The following NCOA6 variants were observed in gnomAD, a reference collection of about 807,000 sequenced individuals.
NCOA6 encodes NRC RAP250.
NCOA6 carries 49 observed loss-of-function variants against 171.4 expected under a neutral mutation model. The ratio of observed to expected loss-of-function variants is 0.29; its 90% CI spans 0.23 to 0.36. The LOEUF is 0.36. Ranked by LOEUF, NCOA6 falls within the 10% of genes least tolerant of loss-of-function variation. NCOA6 has a pLI of 1.00. For synonymous variants in NCOA6, 910 were observed against 927.5 expected (o/e 0.98, Z 0.34); for missense variants, 2,248 against 2,554.5 (o/e 0.88, Z 2.59).
chr20:34,795,814 A>T (rs982527912), intron 1 of NCOA6, among the ~76,000 whole-genome samples: 3 of 152,166 alleles, frequency 2.0e-5, no homozygotes, highest in Non-Finnish European at 4.4e-5. Flanking sequence ...ATTTGTAATT[A>T]GGTAGAGAAT....
intron 2 of NCOA6, among the ~76,000 whole-genome samples, chr20:34,789,588 C>T (rs1187537632): frequency 6.6e-6 from 1 of 152,108 alleles, no homozygotes. Flanking sequence ...GCCTGGGGAA[C>T]ATGGTGAAAC....
At chr20:34,793,559 G>A (rs1160655272) in intron 1 of NCOA6, among the ~76,000 whole-genome samples, 1 of 151,954 alleles carries the variant, frequency 6.6e-6, no homozygotes, top group Non-Finnish European at 1.5e-5. Flanking sequence ...AGAGTTTGAG[G>A]TTACAGTGAG....
intron 1 of NCOA6, among the ~76,000 whole-genome samples, chr20:34,808,609 T>C (rs900594347): frequency 9.2e-5 from 14 of 152,096 alleles, no homozygotes; most frequent in African/African-American, 3.1e-4. Context: ...TGGCTAATTT[T>C]GTATTTTTAG....
chr20:34,756,279 T>G (rs1162663843), intron 7 of NCOA6, among the ~76,000 whole-genome samples: 4 of 152,172 alleles, frequency 2.6e-5, no homozygotes, highest in African/African-American at 9.7e-5. Flanking sequence ...ATTCAAATAT[T>G]AGAGCCTGCA....
At chr20:34,764,692 A>G (rs2076921982) in intron 5 of NCOA6, among the ~76,000 whole-genome samples, 1 of 152,124 alleles carries the variant, frequency 6.6e-6, no homozygotes, top group Admixed American at 6.6e-5. Context: ...CTCAAAAAAA[A>G]AAAAAAGTTA....
rs1990104507 is a variant in NCOA6, at chr20:34,727,494, A to G, written c.6000-87T>C. On this transcript the variant is annotated intron_variant, in intron 13 of 14. Coordinates refer to ENST00000359003, the MANE Select transcript of NCOA6 (RefSeq NM_014071.5). ...GCTCTTCAGATAGTTTCATTCGTAA[A>G]GTAGGAGACTAAGAACTATATAGTT... 3 of 1,393,446 alleles carry G rather than the reference A, an allele frequency of 2.2e-6. No homozygotes were observed. In the South Asian group the frequency reaches 3.6e-5, roughly 17 times the overall value. 86.3% of individuals were successfully genotyped at this position (1,393,446 alleles called of 1,614,324 possible).
rs1892638301 is a variant in NCOA6 at position 34,740,633 on chromosome 20, C to T, written c.5623G>A (p.Asp1875Asn). Residue 1875 changes from aspartate to asparagine, a missense_variant, in exon 11 of 15, where the codon GAC becomes AAC. This residue lies in a region of NCOA6 where 884 missense variants were observed against 941.9 expected (regional missense o/e 0.94). Transcript: ENST00000359003. ...GCTGGGGGCGTTGGGGTTTTACTGTCCAGCTCTGTGGATAACTGCTCTGTT... is the reference window on the plus strand; with the variant it reads ...GCTGGGGGCGTTGGGGTTTTACTGTTCAGCTCTGTGGATAACTGCTCTGTT... ...MGTEQLSTELDSKTPTPPAPT... is the reference protein window; with the variant it reads ...MGTEQLSTELNSKTPTPPAPT... The T allele has an allele frequency of 1.2e-6, 2 of 1,614,150 alleles. No homozygotes were observed. The highest frequency in any genetic ancestry group is 8.5e-7 in the Non-Finnish European group (1 of 1,180,034).
At chr20:34,804,142 G>A (rs1423803075) in intron 1 of NCOA6, among the ~76,000 whole-genome samples, 1 of 152,088 alleles carries the variant, frequency 6.6e-6, no homozygotes, top group Non-Finnish European at 1.5e-5. Context: ...TTGGAGACCA[G>A]TCTGACCAAT....
chr20:34,752,320 A>T (rs760073140), intron 8 of NCOA6, among the ~76,000 whole-genome samples: 9 of 152,184 alleles, frequency 5.9e-5, no homozygotes, highest in Non-Finnish European at 1.3e-4. Context: ...TATAAACTCA[A>T]AGTGGAACTC....
At position 34,758,923 on chromosome 20, in the gene NCOA6, C is replaced by A; in HGVS notation, c.525G>T (p.Arg175Ser). The A allele has an allele frequency of 6.2e-7, 1 of 1,613,560 alleles. No homozygotes were observed. The highest frequency in any genetic ancestry group is 8.5e-7 in the Non-Finnish European group (1 of 1,179,876). Residue 175 changes from arginine (R) to serine (S), a missense_variant, in exon 6 of 15, where the codon AGG (arginine) becomes AGT (serine). This residue lies in a region of NCOA6 where 987 missense variants were observed against 1,104.7 expected (regional missense o/e 0.89). Transcript: ENST00000359003. ...FPMASGPGII[R>S]MNNPATVMIP... ...TCATAACAGTGGCAGGGTTGTTCAT[C>A]CTTATTATTCCTAGAAAAAAGATCC...
At chr20:34,789,992 T>C (rs1446771524) in intron 2 of NCOA6, among the ~76,000 whole-genome samples, 1 of 151,660 alleles carries the variant, frequency 6.6e-6, no homozygotes, top group East Asian at 1.9e-4. Flanking sequence ...CCCAGTACTT[T>C]CGGAGGCCAA....
intron 14 of NCOA6, among the ~76,000 whole-genome samples, chr20:34,725,378 GA>G (rs1330982480): frequency 6.6e-6 from 1 of 152,224 alleles, no homozygotes; most frequent in Non-Finnish European, 1.5e-5. Context: ...ACTGAGCTAA[GA>G]TAAGTAGGAA....
At chr20:34,812,735 G>A (rs979419172) in intron 1 of NCOA6, among the ~76,000 whole-genome samples, 1 of 152,172 alleles carries the variant, frequency 6.6e-6, no homozygotes, top group African/African-American at 2.4e-5. Flanking sequence ...TCTAGAAGAG[G>A]TCAGGCGTGG....
intron 14 of NCOA6, among the ~76,000 whole-genome samples, chr20:34,719,888 C>T (rs1048275819): frequency 6.6e-6 from 1 of 152,190 alleles, no homozygotes. Context: ...AATGTATGTT[C>T]ACTTGCATAT....
chr20:34,789,705 G>A (rs193290723), intron 2 of NCOA6, among the ~76,000 whole-genome samples: 1 of 152,268 alleles, frequency 6.6e-6, no homozygotes, highest in East Asian at 1.9e-4. Flanking sequence ...CCTGAGGGGA[G>A]TGAGGGGAAG....
chr20:34,790,200 C>T (rs944060833), intron 2 of NCOA6, among the ~76,000 whole-genome samples: 2 of 151,648 alleles, frequency 1.3e-5, no homozygotes, highest in Non-Finnish European at 2.9e-5. Context: ...GTGGTAGATA[C>T]ATATAGATAG....
At chr20:34,726,510 G>A (rs987693239) in intron 14 of NCOA6, among the ~76,000 whole-genome samples, 2 of 152,146 alleles carry the variant, frequency 1.3e-5, no homozygotes, top group African/African-American at 4.8e-5. Flanking sequence ...AATCAGCTGG[G>A]CGTGGTGGCT....
chr20:34,766,212 A>C (rs1337403070), intron 5 of NCOA6, among the ~76,000 whole-genome samples: 1 of 152,176 alleles, frequency 6.6e-6, no homozygotes, highest in African/African-American at 2.4e-5. Flanking sequence ...TTATTCCTGA[A>C]ACTTTATACT....
Position 34,808,023 on chromosome 20 carries a change from G to A in NCOA6, c.-163-15460C>T, listed in dbSNP as rs187901167. ...AAATTAGCTGGGTGTGGTGGCAGGCGCCTGTAGTTCCAGCTACTCAGGAGG... is the reference window on the plus strand; with the variant it reads ...AAATTAGCTGGGTGTGGTGGCAGGCACCTGTAGTTCCAGCTACTCAGGAGG... On this transcript the variant is annotated intron_variant, in intron 1 of 14. Transcript: ENST00000359003. 1.4e-4 allele frequency among the ~76,000 whole-genome samples: 21 copies of A among 151,716 alleles called. No individual in the cohort carries two copies. The East Asian group carries it at 2.4e-3, about 17-fold the overall frequency.
Sources: allele counts gnomAD v4.1 joint callset (sites outside exome capture counted in the v4.1 genomes callset), GRCh38; gene constraint gnomAD v4.1.1; regional missense constraint gnomAD v4.1.1; transcripts MANE v1.5; gene names NCBI Gene and HGNC (gene_info 2026-07-23, HGNC 2026-07-21).